The following PCDH11X variants were observed in gnomAD, a reference collection of about 807,000 sequenced individuals.
PCDH11X encodes protocadherin-11 X-linked.
Under a neutral mutation model 53.3 loss-of-function variants are expected in PCDH11X, and 18 were observed. The ratio of observed to expected loss-of-function variants is 0.34; its 90% CI spans 0.23 to 0.50. The LOEUF is 0.50. Ranked by LOEUF, PCDH11X falls within the 20% of genes least tolerant of loss-of-function variation. PCDH11X has a pLI of 0.98. For missense variants in PCDH11X, 570 were observed against 1,032.4 expected, an observed-to-expected ratio of 0.55 and a Z score of 6.14; for synonymous variants, 279 against 393.3, an observed-to-expected ratio of 0.71 and a Z score of 3.44.
At chrX:92,183,194 C>A (rs904950958) in intron 6 of PCDH11X, among the ~76,000 whole-genome samples, 4 of 109,658 alleles carry the variant, frequency 3.6e-5, no homozygotes, top group African/African-American at 1.3e-4. Flanking sequence ...TCCAAACAGG[C>A]ATTCCTACAT....
intron 8 of PCDH11X, among the ~76,000 whole-genome samples, chrX:92,324,436 C>A (rs896225815): frequency 2.0e-4 from 22 of 111,586 alleles, no homozygotes; most frequent in Non-Finnish European, 3.2e-4. Flanking sequence ...ATACATTTAC[C>A]TTCACTTATA....
intron 10 of PCDH11X, among the ~76,000 whole-genome samples, chrX:92,544,913 A>T (rs1474972101): frequency 9.0e-6 from 1 of 111,717 alleles, no homozygotes; most frequent in Non-Finnish European, 1.9e-5. Context: ...ACTACAATTG[A>T]TATATCCAGA....
At chrX:92,397,470 T>TG (rs1320542576) in intron 9 of PCDH11X, among the ~76,000 whole-genome samples, 1 of 105,892 alleles carries the variant, frequency 9.4e-6, no homozygotes, top group African/African-American at 3.5e-5. Context: ...AGGAGTCAAT[T>TG]TTTTTTTTTT....
At chrX:92,515,377 G>A (rs766274479) in intron 10 of PCDH11X, 21 of 197,644 alleles carry the variant, frequency 1.1e-4, no homozygotes, top group East Asian at 2.7e-4. Flanking sequence ...GGCCCCAGCC[G>A]CCCCCGACAG....
chrX:91,844,342 C>CTAA (rs1937581286), intron 5 of PCDH11X, among the ~76,000 whole-genome samples: 1 of 110,006 alleles, frequency 9.1e-6, no homozygotes, highest in South Asian at 3.9e-4. Context: ...TTCCACTTAC[C>CTAA]CTCTTTGGCT....
At chrX:92,103,620 A>G (rs181842359) in intron 6 of PCDH11X, among the ~76,000 whole-genome samples, 1,404 of 111,874 alleles carry the variant, frequency 0.013, 19 homozygotes, top group African/African-American at 0.043. Context: ...GGGGTCCCAC[A>G]CAGATGGGAC....
At position 91,801,070 on chromosome X, in the gene PCDH11X, C is replaced by T. The variant is rs750346049; in HGVS notation, c.-378-8396C>T. Among the ~76,000 whole-genome samples, 3 of 102,809 alleles carry T rather than the reference C, an allele frequency of 2.9e-5. No homozygotes were observed. In the South Asian group the frequency reaches 1.4e-3, roughly 48 times the overall value. The allele number at this position is 102,809 out of a possible 115,157, so 89.3% of individuals were successfully genotyped here. On this transcript the variant is annotated intron_variant, in intron 1 of 10. Transcript: ENST00000682573. ...TGGCATGCGGCTGTAGACCAAGGTA[C>T]TCTGGAGGCTGAGGTGGGAGGATTA...
At chrX:92,602,182 G>A (rs1054333316) in intron 10 of PCDH11X, among the ~76,000 whole-genome samples, 1 of 111,397 alleles carries the variant, frequency 9.0e-6, no homozygotes, top group African/African-American at 3.3e-5. Flanking sequence ...CTATCCTCAA[G>A]AGAAGGGACT....
chrX:92,418,748 T>A (rs1327638294), intron 9 of PCDH11X, among the ~76,000 whole-genome samples: 15 of 108,690 alleles, frequency 1.4e-4, no homozygotes, highest in African/African-American at 5.0e-4. Flanking sequence ...CACACCACTA[T>A]GCCTGGTTAA....
chrX:92,582,976 G>C (rs1923887842), intron 10 of PCDH11X, among the ~76,000 whole-genome samples: 1 of 110,774 alleles, frequency 9.0e-6, no homozygotes, highest in African/African-American at 3.3e-5. Context: ...TCTTCCATTT[G>C]GAATGAGTGT....
At chrX:92,483,796 C>T (rs141040164) in intron 10 of PCDH11X, among the ~76,000 whole-genome samples, 1,844 of 108,341 alleles carry the variant, frequency 0.017, 43 homozygotes, top group African/African-American at 0.059. Flanking sequence ...ATACAAATTC[C>T]GAAACAAATA....
intron 6 of PCDH11X, among the ~76,000 whole-genome samples, chrX:92,148,097 TC>T (rs1569389177): frequency 1.5e-3 from 36 of 23,464 alleles, no homozygotes; most frequent in Non-Finnish European, 2.0e-3. Flanking sequence ...TTTCTTTCTT[TC>T]TTTCTTTCTT....
At chrX:92,055,055 T>C (rs1357523134) in intron 6 of PCDH11X, among the ~76,000 whole-genome samples, 12 of 57,429 alleles carry the variant, frequency 2.1e-4, no homozygotes, top group Non-Finnish European at 3.7e-4. Context: ...CCCTAATGCC[T>C]GAACTTCCTA....
At chrX:91,949,042 G>A (rs183269011) in intron 6 of PCDH11X, among the ~76,000 whole-genome samples, 8,644 of 109,882 alleles carry the variant, frequency 0.079, 334 homozygotes, top group African/African-American at 0.14. Flanking sequence ...GAATAAGAGA[G>A]AGTATTTGTT....
At chrX:92,257,075 G>T (rs1246429159) in intron 7 of PCDH11X, among the ~76,000 whole-genome samples, 5 of 111,576 alleles carry the variant, frequency 4.5e-5, no homozygotes, top group Non-Finnish European at 9.4e-5. Flanking sequence ...TGCTTCTAGG[G>T]AGGCCTTAGG....
At chrX:92,260,865 T>G (rs1429665062) in intron 7 of PCDH11X, among the ~76,000 whole-genome samples, 1 of 112,001 alleles carries the variant, frequency 8.9e-6, no homozygotes, top group African/African-American at 3.2e-5. Flanking sequence ...ACATGACTAA[T>G]GTATATTGTG....
At chrX:92,464,188 A>T (rs1023412744) in intron 9 of PCDH11X, among the ~76,000 whole-genome samples, 1 of 111,432 alleles carries the variant, frequency 9.0e-6, no homozygotes, top group Non-Finnish European at 1.9e-5. Flanking sequence ...CACTTATTTC[A>T]CTGCAAATAA....
At chrX:92,023,850 G>C (rs1277054338) in intron 6 of PCDH11X, among the ~76,000 whole-genome samples, 2 of 110,739 alleles carry the variant, frequency 1.8e-5, no homozygotes, top group East Asian at 2.9e-4. Context: ...GGGATGCAAG[G>C]CTGGTTCAAC....
intron 10 of PCDH11X, among the ~76,000 whole-genome samples, chrX:92,616,674 A>C (rs1231658092): frequency 9.1e-6 from 1 of 110,015 alleles, no homozygotes; most frequent in Non-Finnish European, 1.9e-5. Context: ...GTCCACAAAT[A>C]GGTTTTTTTT....
Sources: allele counts gnomAD v4.1 joint callset (sites outside exome capture counted in the v4.1 genomes callset), GRCh38; gene constraint gnomAD v4.1.1; transcripts MANE v1.5; gene names NCBI Gene and HGNC (gene_info 2026-07-23, HGNC 2026-07-21).